The following CNTN4 variants were observed in gnomAD, a reference collection of about 807,000 sequenced individuals.
CNTN4 encodes contactin 4, also known as contactin-4.
In CNTN4, 77 loss-of-function variants were observed where a neutral mutation model predicts 122.5. That is an observed-to-expected ratio of 0.63 (90% CI 0.52 to 0.76). The LOEUF is 0.76. CNTN4 is among the 30% of genes least tolerant of loss of function. The probability of loss-of-function intolerance (pLI) is 0.00; values close to 1 mark genes in which losing one functional copy is unlikely to be tolerated. For missense variants in CNTN4, 1,256 were observed against 1,259.1 expected (o/e 1.00, Z 0.04); for synonymous variants, 512 against 447.0 (o/e 1.15, Z -1.83).
intron 2 of CNTN4, among the ~76,000 whole-genome samples, chr3:2,255,454 C>G (rs981731496): frequency 2.6e-5 from 4 of 152,168 alleles, no homozygotes; most frequent in Non-Finnish European, 5.9e-5. Context: ...ATCCACAGAA[C>G]TCTCCACCCC....
chr3:2,817,868 G>C (rs1029348471), intron 6 of CNTN4, among the ~76,000 whole-genome samples: 2 of 152,118 alleles, frequency 1.3e-5, no homozygotes, highest in African/African-American at 2.4e-5. Context: ...TTAAAATCCT[G>C]GTTTAATTCC....
At chr3:2,837,314 C>T (rs1415854027) in intron 7 of CNTN4, among the ~76,000 whole-genome samples, 1 of 152,134 alleles carries the variant, frequency 6.6e-6, no homozygotes, top group South Asian at 2.1e-4. Flanking sequence ...TCTTTTATTG[C>T]TTCTTTTTTC....
chr3:2,817,638 CTCTAATCAGAAACCATGA>C (rs1484958815), intron 6 of CNTN4, among the ~76,000 whole-genome samples: 2 of 152,172 alleles, frequency 1.3e-5, no homozygotes, highest in African/African-American at 4.8e-5. Context: ...AATACTATTT[CTCTAATCAGAAACCATGA>C]TTGGTTTTAC....
intron 3 of CNTN4, among the ~76,000 whole-genome samples, chr3:2,466,098 A>T (rs2075487315): frequency 6.6e-6 from 1 of 152,228 alleles, no homozygotes; most frequent in Non-Finnish European, 1.5e-5. Context: ...TGAAGCCATC[A>T]GAACATAGGA....
intron 2 of CNTN4, among the ~76,000 whole-genome samples, chr3:2,171,770 TA>T (rs1364501596): frequency 6.6e-6 from 1 of 152,202 alleles, no homozygotes; most frequent in East Asian, 1.9e-4. Flanking sequence ...AAAAGATCAT[TA>T]GTATACTGTA....
At position 2,925,777 on chromosome 3, in the gene CNTN4, A is replaced by G. The variant is rs373747226; in HGVS notation, c.1356A>G (p.Glu452=). 1.2e-6 allele frequency: 2 copies of G among 1,611,236 alleles called. No individual in the cohort carries two copies. The highest frequency in any genetic ancestry group is 1.6e-4 in the Middle Eastern group (1 of 6,068). ...GAAGGGATATATTAAAAGAAAATGAAAGGTACTGTCTTGAATTATTTTCAA... is the reference window on the plus strand; with the variant it reads ...GAAGGGATATATTAAAAGAAAATGAGAGGTACTGTCTTGAATTATTTTCAA... ...KKGRDILKEN[E]RITISEDGNL... The change falls in exon 13 of 25, where the codon GAA becomes GAG. Residue 452 remains glutamate (E), a splice_region_variant and synonymous_variant. Transcript: ENST00000418658.
chr3:2,772,202 T>A (rs2091132195), intron 6 of CNTN4, among the ~76,000 whole-genome samples: 1 of 152,060 alleles, frequency 6.6e-6, no homozygotes, highest in Non-Finnish European at 1.5e-5. Flanking sequence ...TTGATTACTG[T>A]GGCTTCATTT....
intron 8 of CNTN4, among the ~76,000 whole-genome samples, chr3:2,873,601 C>G (rs1233487918): frequency 2.6e-5 from 4 of 152,218 alleles, no homozygotes; most frequent in Non-Finnish European, 5.9e-5. Context: ...CCATTATGGT[C>G]TTGCCAACTG....
intron 2 of CNTN4, among the ~76,000 whole-genome samples, chr3:2,187,541 A>G (rs2037330462): frequency 6.6e-6 from 1 of 151,970 alleles, no homozygotes; most frequent in Non-Finnish European, 1.5e-5. Flanking sequence ...TCCTAGGTTC[A>G]CGATCAGCTG....
chr3:2,583,423 G>A (rs1320620781), intron 4 of CNTN4, among the ~76,000 whole-genome samples: 2 of 152,178 alleles, frequency 1.3e-5, no homozygotes, highest in South Asian at 4.1e-4. Context: ...TGATTTACTT[G>A]AATCAAAATA....
At chr3:2,993,912 T>A (rs1252522083) in intron 14 of CNTN4, among the ~76,000 whole-genome samples, 3 of 152,182 alleles carry the variant, frequency 2.0e-5, no homozygotes, top group Non-Finnish European at 4.4e-5. Flanking sequence ...TCCAAACAGT[T>A]GACTTTAGAA....
At chr3:2,517,819 A>G (rs907719238) in intron 3 of CNTN4, among the ~76,000 whole-genome samples, 6 of 152,272 alleles carry the variant, frequency 3.9e-5, no homozygotes, top group African/African-American at 1.4e-4. Context: ...GGTGAAAACA[A>G]CCACCATCTC....
intron 3 of CNTN4, among the ~76,000 whole-genome samples, chr3:2,434,855 G>A (rs1009976404): frequency 2.7e-4 from 41 of 152,126 alleles, no homozygotes; most frequent in African/African-American, 9.4e-4. Flanking sequence ...AATTCATGTC[G>A]CCAGCGTCCT....
chr3:2,402,477 A>T (rs536486988), intron 3 of CNTN4, among the ~76,000 whole-genome samples: 3 of 152,276 alleles, frequency 2.0e-5, no homozygotes, highest in South Asian at 2.1e-4. Flanking sequence ...AAACAAACAT[A>T]CAATGTGTAA....
rs371084287 is a variant in CNTN4, at chr3:2,591,644, G to T, written c.55+20086G>T. 9.7e-5 allele frequency among the ~76,000 whole-genome samples: 5 copies of T among 51,692 alleles called. 2 individuals carry two copies. The highest frequency in any genetic ancestry group is 2.5e-4 in the Non-Finnish European group (5 of 20,230). The allele number at this position is 51,692 out of a possible 152,430, so 33.9% of individuals were successfully genotyped here. A position where few individuals can be genotyped will look rare whatever the true frequency, so the allele number is the denominator to read the frequency against. On this transcript the variant is annotated intron_variant, in intron 4 of 24. Coordinates refer to ENST00000418658, the MANE Select transcript of CNTN4 (RefSeq NM_175607.3). Reference sequence around the variant, plus strand: ...CTCCCAAAGTGCTGGGATTACAGGCGTGAGCCACCGCGCCCGGCCGATTTG... The same window carrying T: ...CTCCCAAAGTGCTGGGATTACAGGCTTGAGCCACCGCGCCCGGCCGATTTG...
intron 5 of CNTN4, among the ~76,000 whole-genome samples, chr3:2,744,076 A>C (rs2089620822): frequency 6.6e-6 from 1 of 152,094 alleles, no homozygotes; most frequent in Non-Finnish European, 1.5e-5. Context: ...CAGCCTCCCG[A>C]AGTGCCGAGA....
At chr3:2,344,780 G>T (rs1430413039) in intron 3 of CNTN4, among the ~76,000 whole-genome samples, 1 of 152,120 alleles carries the variant, frequency 6.6e-6, no homozygotes, top group Non-Finnish European at 1.5e-5. Context: ...TTCCAGTTAG[G>T]AAATAGACCC....
intron 6 of CNTN4, among the ~76,000 whole-genome samples, chr3:2,752,366 T>C (rs1164387276): frequency 2.6e-5 from 4 of 152,166 alleles, no homozygotes; most frequent in African/African-American, 9.7e-5. Flanking sequence ...TTTGTTGTTT[T>C]TTGTTTGTGT....
chr3:2,809,512 G>A (rs958092003), intron 6 of CNTN4, among the ~76,000 whole-genome samples: 2 of 152,196 alleles, frequency 1.3e-5, no homozygotes, highest in African/African-American at 2.4e-5. Flanking sequence ...GCAGAGCACA[G>A]TGAAGGGTCC....
Sources: gnomAD v4.1 joint callset for allele counts (sites outside exome capture counted in the v4.1 genomes callset) on GRCh38, gnomAD v4.1.1 for gene constraint, MANE v1.5 for transcripts, NCBI Gene and HGNC (gene_info 2026-07-23, HGNC 2026-07-21) for gene names.